Variants in ERG observed in about 807,000 individuals in gnomAD.
ERG encodes ETS transcription factor ERG.
In ERG, 9 loss-of-function variants were observed where a neutral mutation model predicts 55.3. The ratio of observed to expected loss-of-function variants is 0.16; its 90% CI spans 0.10 to 0.28. The LOEUF (loss-of-function observed/expected upper bound fraction) is 0.28. Ranked by LOEUF, ERG falls within the 10% of genes least tolerant of loss-of-function variation. The pLI, the probability that ERG is intolerant of heterozygous loss-of-function variation, is 1.00. For missense variants in ERG, 434 were observed against 631.6 expected, an observed-to-expected ratio of 0.69 and a Z score of 3.35; for synonymous variants, 223 against 237.3, an observed-to-expected ratio of 0.94 and a Z score of 0.55.
At chr21:38,421,878 G>C (rs1458429939) in intron 3 of ERG, among the ~76,000 whole-genome samples, 1 of 152,178 alleles carries the variant, frequency 6.6e-6, no homozygotes, top group East Asian at 1.9e-4. Flanking sequence ...TTGAGACGGA[G>C]TCTTGCTCTT....
chr21:38,440,166 A>G (rs759560871), intron 2 of ERG, among the ~76,000 whole-genome samples: 3 of 152,200 alleles, frequency 2.0e-5, no homozygotes, highest in Non-Finnish European at 4.4e-5. Flanking sequence ...CATTATGCAT[A>G]AGCTAAGAGG....
At chr21:38,408,024 C>T (rs80247601) in intron 3 of ERG, among the ~76,000 whole-genome samples, 4,069 of 151,912 alleles carry the variant, frequency 0.027, 191 homozygotes, top group African/African-American at 0.092. Context: ...TTAATATAGA[C>T]TGCTTCATCT....
upstream of ERG, chr21:38,502,398 C>G (rs2059427590): frequency 6.5e-6 from 1 of 153,034 alleles, no homozygotes; most frequent in African/African-American, 2.4e-5. Flanking sequence ...ATCTGTGAAC[C>G]TGAGGAATAG....
Position 38,382,251 on chromosome 21 carries a change from C to T in ERG, c.*1152G>A. On this transcript the variant is annotated 3_prime_UTR_variant, in exon 10 of 10. Transcript: ENST00000288319. The stretch of plus-strand genomic sequence containing the variant: ...ATATAAAAAGGGGGAAAAACATTGA[C>T]TTGTATACTTCATTCTGACAAACGC... 9.5e-7 allele frequency: 1 copy of T among 1,050,448 alleles called. No homozygotes were observed. The highest frequency in any genetic ancestry group is 4.3e-4 in the Middle Eastern group (1 of 2,314). The allele number at this position is 1,050,448 out of a possible 1,614,324, so 65.1% of individuals were successfully genotyped here. A position where few individuals can be genotyped will look rare whatever the true frequency, so the allele number is the denominator to read the frequency against.
chr21:38,584,242 C>T (rs915890334), intron 1 of ERG, among the ~76,000 whole-genome samples: 3 of 152,162 alleles, frequency 2.0e-5, no homozygotes, highest in Non-Finnish European at 2.9e-5. Flanking sequence ...GGTGCTTCTC[C>T]AGGGGAGCCC....
upstream of ERG, among the ~76,000 whole-genome samples, chr21:38,587,993 A>T (rs902860649): frequency 2.6e-5 from 4 of 152,192 alleles, no homozygotes; most frequent in African/African-American, 4.8e-5. Flanking sequence ...TGGCGTTATT[A>T]ATATTTCATT....
At chr21:38,454,742 C>T (rs539107537) in intron 1 of ERG, among the ~76,000 whole-genome samples, 2 of 152,320 alleles carry the variant, frequency 1.3e-5, no homozygotes, top group African/African-American at 4.8e-5. Context: ...ATTATTCTAA[C>T]AAGCCAGATG....
intron 1 of ERG, among the ~76,000 whole-genome samples, chr21:38,458,168 G>A (rs2059007421): frequency 6.6e-6 from 1 of 152,166 alleles, no homozygotes; most frequent in African/African-American, 2.4e-5. Flanking sequence ...GCTCGTGCCT[G>A]TAATCCCAGC....
intron 1 of ERG, among the ~76,000 whole-genome samples, chr21:38,617,791 G>A (rs2060267310): frequency 6.6e-6 from 1 of 152,206 alleles, no homozygotes; most frequent in African/African-American, 2.4e-5. Context: ...GATATGTCAT[G>A]TTCATATCTG....
intron 2 of ERG, among the ~76,000 whole-genome samples, chr21:38,505,536 T>A (rs1204802155): frequency 6.6e-6 from 1 of 152,218 alleles, no homozygotes; most frequent in African/African-American, 2.4e-5. Context: ...GTTGTTGTCA[T>A]CTGATGCCCA....
chr21:38,608,554 G>A (rs758263155), intron 1 of ERG, among the ~76,000 whole-genome samples: 8 of 152,214 alleles, frequency 5.3e-5, no homozygotes, highest in Admixed American at 1.3e-4. Context: ...GCTAGATTAA[G>A]TAGACAAGCA....
intron 1 of ERG, among the ~76,000 whole-genome samples, chr21:38,456,161 A>T (rs1436940329): frequency 6.6e-6 from 1 of 152,236 alleles, no homozygotes; most frequent in Non-Finnish European, 1.5e-5. Flanking sequence ...TCCATCTCTG[A>T]GCAGACATGC....
chr21:38,472,154 C>T (rs1739532891), intron 1 of ERG: 1 of 152,072 alleles, frequency 6.6e-6, no homozygotes, highest in South Asian at 2.1e-4. Flanking sequence ...AGAACAACTC[C>T]TGGCACATAC....
intron 1 of ERG, among the ~76,000 whole-genome samples, chr21:38,626,209 A>G (rs1279408121): frequency 1.3e-5 from 2 of 152,204 alleles, no homozygotes; most frequent in East Asian, 3.8e-4. Context: ...GGCGTGAGCC[A>G]CGTTTGGCCA....
chr21:38,498,583 A>C, upstream of ERG: 1 of 1,041,554 alleles, frequency 9.6e-7, no homozygotes. The surrounding 1 kb of genome is among the most constrained non-coding windows in gnomAD (Gnocchi z 4.6). Flanking sequence ...GAGTGGAGAG[A>C]TAAGAGACCC....
chr21:38,455,286 T>C (rs2058977809), intron 1 of ERG, among the ~76,000 whole-genome samples: 1 of 152,190 alleles, frequency 6.6e-6, no homozygotes, highest in Middle Eastern at 3.2e-3. Flanking sequence ...AGTGTTTCCA[T>C]GGCAGTCTGG....
At chr21:38,479,438 T>A (rs188787573) in intron 1 of ERG, among the ~76,000 whole-genome samples, 300 of 152,284 alleles carry the variant, frequency 2.0e-3, no homozygotes, top group Non-Finnish European at 2.5e-3. Context: ...TATGACCTTA[T>A]TTAGAAGTAG....
chr21:38,577,668 C>T (rs1436379999), intron 1 of ERG, among the ~76,000 whole-genome samples: 1 of 152,104 alleles, frequency 6.6e-6, no homozygotes, highest in Non-Finnish European at 1.5e-5. Context: ...CAGCAGGTGC[C>T]ACAGGAAAAC....
intron 2 of ERG, among the ~76,000 whole-genome samples, chr21:38,437,591 G>T (rs2058802697): frequency 6.6e-6 from 1 of 152,196 alleles, no homozygotes; most frequent in South Asian, 2.1e-4. Context: ...AGTGTCTGGG[G>T]TGATGCTTAA....
Sources: gnomAD v4.1 joint callset for allele counts (sites outside exome capture counted in the v4.1 genomes callset) on GRCh38, gnomAD v4.1.1 for gene constraint, Gnocchi (gnomAD v3.1) non-coding constraint, MANE v1.5 for transcripts, NCBI Gene and HGNC (gene_info 2026-07-23, HGNC 2026-07-21) for gene names.